Variants in PRR5L observed in about 807,000 individuals in gnomAD.
PRR5L encodes the protein proline rich 5 like.
A neutral mutation model predicts 36.4 loss-of-function variants in PRR5L; 21 were observed. The observed-to-expected ratio is 0.58, with a 90% CI of 0.41 to 0.83. PRR5L has a LOEUF of 0.83. Among genes scored for constraint, PRR5L ranks in the 40% least tolerant of loss-of-function variants. PRR5L has a pLI of 0.00. For missense variants in PRR5L, 381 were observed against 473.3 expected, an observed-to-expected ratio of 0.80 and a Z score of 1.81; for synonymous variants, 188 against 197.0, an observed-to-expected ratio of 0.95 and a Z score of 0.38.
intron 4 of PRR5L, among the ~76,000 whole-genome samples, chr11:36,421,510 A>C (rs1858265192): frequency 6.6e-6 from 1 of 152,228 alleles, no homozygotes; most frequent in South Asian, 2.1e-4. Flanking sequence ...CTGATCTGGA[A>C]AGAAGGCTCT....
At chr11:36,375,833 A>G (rs1857248907) in intron 1 of PRR5L, among the ~76,000 whole-genome samples, 1 of 152,230 alleles carries the variant, frequency 6.6e-6, no homozygotes, top group Non-Finnish European at 1.5e-5. Context: ...GGGAGCTTTA[A>G]AAGAATTTGC....
intron 3 of PRR5L, among the ~76,000 whole-genome samples, chr11:36,417,442 CA>C (rs1286673208): frequency 6.6e-6 from 1 of 152,164 alleles, no homozygotes; most frequent in East Asian, 1.9e-4. Flanking sequence ...TAGTGATGCC[CA>C]ACCCGCTCTT....
chr11:36,383,905 AG>A (rs1262012890), intron 1 of PRR5L, among the ~76,000 whole-genome samples: 3 of 152,106 alleles, frequency 2.0e-5, no homozygotes, highest in Non-Finnish European at 4.4e-5. Context: ...CAGGTTGGCC[AG>A]GCTGGTCTCA....
At chr11:36,306,960 A>G (rs1345745892) in intron 1 of PRR5L, among the ~76,000 whole-genome samples, 2 of 152,176 alleles carry the variant, frequency 1.3e-5, no homozygotes, top group African/African-American at 2.4e-5. Context: ...GCTCCTACCC[A>G]TTCACAGGGT....
chr11:36,411,532 C>G (rs1564940478), intron 3 of PRR5L, among the ~76,000 whole-genome samples: 1 of 152,230 alleles, frequency 6.6e-6, no homozygotes, highest in Non-Finnish European at 1.5e-5. Context: ...TTTGGTCAGG[C>G]CCCGTGTAAG....
chr11:36,357,654 G>T (rs1442228892), intron 1 of PRR5L, among the ~76,000 whole-genome samples: 1 of 152,010 alleles, frequency 6.6e-6, no homozygotes, highest in Non-Finnish European at 1.5e-5. Flanking sequence ...CAGCACATCT[G>T]CTTACAGCAT....
intron 6 of PRR5L, among the ~76,000 whole-genome samples, chr11:36,440,303 G>A (rs993608006): frequency 5.3e-5 from 8 of 152,260 alleles, no homozygotes; most frequent in African/African-American, 1.9e-4. Context: ...AACATAAATG[G>A]TTGTGGCATG....
intron 5 of PRR5L, among the ~76,000 whole-genome samples, chr11:36,436,313 A>T (rs1480884172): frequency 2.0e-5 from 3 of 152,208 alleles, no homozygotes; most frequent in Non-Finnish European, 4.4e-5. Context: ...GACCAATATC[A>T]GCTCTGATAT....
chr11:36,362,815 T>C (rs574591701), intron 1 of PRR5L, among the ~76,000 whole-genome samples: 2 of 152,062 alleles, frequency 1.3e-5, no homozygotes, highest in African/African-American at 4.8e-5. Context: ...GACAGACAGG[T>C]AAACTGATCA....
chr11:36,451,048 G>T (rs1858933766), intron 7 of PRR5L, among the ~76,000 whole-genome samples, 161 bp from the exon 8 acceptor site: 1 of 152,192 alleles, frequency 6.6e-6, no homozygotes, highest in South Asian at 2.1e-4. Context: ...AGTGACTAAG[G>T]CTTCAGGCCT....
chr11:36,304,373 CA>C (rs1856407956), intron 1 of PRR5L, among the ~76,000 whole-genome samples: 1 of 152,278 alleles, frequency 6.6e-6, no homozygotes, highest in East Asian at 1.9e-4. Flanking sequence ...TACCAAATGG[CA>C]AAAATCCCTG....
chr11:36,305,374 G>C (rs1284267708), intron 1 of PRR5L, among the ~76,000 whole-genome samples: 1 of 152,148 alleles, frequency 6.6e-6, no homozygotes, highest in African/African-American at 2.4e-5. Context: ...GGCTGGGGTT[G>C]AGTGGGAAGG....
intron 6 of PRR5L, among the ~76,000 whole-genome samples, chr11:36,441,102 CT>C (rs1858712984): frequency 6.6e-6 from 1 of 152,174 alleles, no homozygotes; most frequent in Non-Finnish European, 1.5e-5. Context: ...TTTTCTGCCC[CT>C]GGTACTCCAA....
chr11:36,458,011 G>T (rs556124760), intron 8 of PRR5L, among the ~76,000 whole-genome samples: 79 of 152,338 alleles, frequency 5.2e-4, no homozygotes, highest in Admixed American at 2.7e-3. Flanking sequence ...AGTAATACAG[G>T]TATTATAAGA....
intron 2 of PRR5L, among the ~76,000 whole-genome samples, chr11:36,402,509 C>G (rs1857819057): frequency 6.6e-6 from 1 of 152,176 alleles, no homozygotes; most frequent in Admixed American, 6.5e-5. Context: ...TCCCAAAGTG[C>G]TGGGATTACA....
In PRR5L at chr11:36,437,393, C is replaced by A; in HGVS notation, c.361C>A (p.Arg121Ser). The change falls in exon 6 of 9, where the codon CGC becomes AGC. Residue 121 changes from arginine (R) to serine (S), a missense_variant. Physicochemically the swap from Arg to Ser is moderately radical, Grantham distance 110. Transcript: ENST00000530639. ...EKIKLCEGEN[R>S]IEVLAEVWDH... ...TTCTCGCCCTCTTGTAGGTGAAAAT[C>A]GCATTGAGGTTCTGGCTGAAGTCTG... 2 of 1,608,190 alleles carry A rather than the reference C, an allele frequency of 1.2e-6. No homozygotes were observed. Among genetic ancestry groups the A allele is most frequent in the Non-Finnish European group, 1.7e-6 (2 of 1,174,608 alleles).
intron 3 of PRR5L, among the ~76,000 whole-genome samples, chr11:36,413,289 G>T (rs1858066179): frequency 6.6e-6 from 1 of 152,128 alleles, no homozygotes; most frequent in Non-Finnish European, 1.5e-5. Flanking sequence ...GCTTGAGGCA[G>T]GTCTGGATTG....
intron 3 of PRR5L, among the ~76,000 whole-genome samples, 192 bp downstream of exon 3, chr11:36,403,570 A>G (rs1857847216): frequency 6.6e-6 from 1 of 150,764 alleles, no homozygotes; most frequent in South Asian, 2.1e-4. Context: ...CTTCTGATCC[A>G]TAGAGAATCA....
intron 1 of PRR5L, among the ~76,000 whole-genome samples, chr11:36,318,552 G>A (rs111819740): frequency 3.9e-5 from 6 of 152,136 alleles, no homozygotes; most frequent in South Asian, 4.2e-4. Context: ...TATGAATCAC[G>A]ATGGACATTT....
Sources: gnomAD v4.1 joint callset for allele counts (sites outside exome capture counted in the v4.1 genomes callset) on GRCh38, gnomAD v4.1.1 for gene constraint, MANE v1.5 for transcripts, NCBI Gene and HGNC (gene_info 2026-07-23, HGNC 2026-07-21) for gene names.